Variants in CMTM8 observed in about 807,000 individuals in gnomAD.
CMTM8 encodes the protein CKLF like MARVEL transmembrane domain containing 8.
CMTM8 carries 12 observed loss-of-function variants against 18.6 expected under a neutral mutation model. The ratio of observed to expected loss-of-function variants is 0.65; its 90% CI spans 0.41 to 1.05. The LOEUF (loss-of-function observed/expected upper bound fraction) is 1.05. Ranked by LOEUF, CMTM8 falls within the 50% of genes least tolerant of loss-of-function variation. The pLI is 0.00. For missense variants in CMTM8, 217 were observed against 227.2 expected (o/e 0.95, Z 0.29); for synonymous variants, 87 against 90.6 (o/e 0.96, Z 0.23).
intron 2 of CMTM8, among the ~76,000 whole-genome samples, chr3:32,359,186 T>TA (rs1340450061): frequency 3.9e-5 from 6 of 152,218 alleles, no homozygotes; most frequent in African/African-American, 1.2e-4. Context: ...TAGTAAGTAC[T>TA]GTAGTCGTCT....
At chr3:32,342,108 C>T (rs1009078075) in intron 1 of CMTM8, among the ~76,000 whole-genome samples, 2 of 150,364 alleles carry the variant, frequency 1.3e-5, no homozygotes, top group Non-Finnish European at 3.0e-5. Context: ...ATTAGCTGGG[C>T]GTGGTGGCAT....
chr3:32,258,291 C>T (rs1329844462), intron 1 of CMTM8, among the ~76,000 whole-genome samples: 1 of 152,136 alleles, frequency 6.6e-6, no homozygotes. Context: ...TGCTTTCTAG[C>T]TTTTCGGCAC....
At chr3:32,270,593 C>T (rs1399191206) in intron 1 of CMTM8, among the ~76,000 whole-genome samples, 1 of 152,150 alleles carries the variant, frequency 6.6e-6, no homozygotes, top group Non-Finnish European at 1.5e-5. Context: ...AGCTGTAAAT[C>T]ATCATTCTCA....
At chr3:32,355,690 G>C (rs1285533404) in intron 1 of CMTM8, among the ~76,000 whole-genome samples, 1 of 152,074 alleles carries the variant, frequency 6.6e-6, no homozygotes, top group Non-Finnish European at 1.5e-5. Context: ...ACTGCCCTTC[G>C]GATAAAGCAC....
intron 1 of CMTM8, among the ~76,000 whole-genome samples, chr3:32,252,167 C>A (rs1417057534): frequency 6.6e-6 from 1 of 152,156 alleles, no homozygotes; most frequent in Non-Finnish European, 1.5e-5. Flanking sequence ...AATTTTACTT[C>A]TTTACCCAAG....
At chr3:32,302,410 T>C (rs1160110092) in intron 1 of CMTM8, among the ~76,000 whole-genome samples, 1 of 152,222 alleles carries the variant, frequency 6.6e-6, no homozygotes, top group Non-Finnish European at 1.5e-5. Flanking sequence ...CTCTGTATGC[T>C]GTTCAGTTTA....
intron 1 of CMTM8, among the ~76,000 whole-genome samples, chr3:32,291,282 C>G (rs967455147): frequency 6.6e-6 from 1 of 152,088 alleles, no homozygotes; most frequent in Admixed American, 6.5e-5. Flanking sequence ...GTGCCCGCCA[C>G]CACATCTGGC....
intron 1 of CMTM8, among the ~76,000 whole-genome samples, chr3:32,338,784 G>A (rs145184430): frequency 3.3e-4 from 51 of 152,294 alleles, no homozygotes; most frequent in Admixed American, 1.2e-3. Context: ...TATCACTCAC[G>A]GTGTCTGTAC....
chr3:32,316,359 A>G (rs1359551567), intron 1 of CMTM8, among the ~76,000 whole-genome samples: 3 of 152,116 alleles, frequency 2.0e-5, no homozygotes, highest in Non-Finnish European at 2.9e-5. Context: ...AAGTCCATTC[A>G]CTAGTTAAGC....
intron 1 of CMTM8, among the ~76,000 whole-genome samples, chr3:32,298,917 A>C (rs1317694539): frequency 4.2e-5 from 3 of 70,840 alleles, no homozygotes; most frequent in Non-Finnish European, 9.0e-5. Flanking sequence ...ACACACATAC[A>C]CACACACATA....
intron 1 of CMTM8, among the ~76,000 whole-genome samples, chr3:32,340,921 A>G (rs1309827192): frequency 6.6e-6 from 1 of 152,234 alleles, no homozygotes; most frequent in Non-Finnish European, 1.5e-5. Context: ...GCAGGTGCCC[A>G]TAGCCTATTT....
intron 1 of CMTM8, among the ~76,000 whole-genome samples, chr3:32,279,483 C>T: frequency 9.0e-6 from 1 of 111,424 alleles, no homozygotes; most frequent in Non-Finnish European, 1.8e-5. Context: ...CCAATTTCAT[C>T]CATGTCCCTA....
intron 1 of CMTM8, 57 bp downstream of exon 1, chr3:32,239,176 T>A: frequency 6.5e-7 from 1 of 1,534,456 alleles, no homozygotes; most frequent in Non-Finnish European, 8.8e-7. Flanking sequence ...GGCGCGTGCT[T>A]CCGCCGTGCT....
At chr3:32,288,867 T>C (rs1236631281) in intron 1 of CMTM8, among the ~76,000 whole-genome samples, 1 of 152,180 alleles carries the variant, frequency 6.6e-6, no homozygotes, top group Non-Finnish European at 1.5e-5. Context: ...CCTATAACTA[T>C]GAATTAGTTG....
chr3:32,292,244 T>G (rs1702792034), intron 1 of CMTM8, among the ~76,000 whole-genome samples: 1 of 152,188 alleles, frequency 6.6e-6, no homozygotes, highest in South Asian at 2.1e-4. Flanking sequence ...ACCTTCATCA[T>G]GCAGGGCAGT....
chr3:32,266,526 C>T (rs1192690637), intron 1 of CMTM8, among the ~76,000 whole-genome samples: 1 of 152,238 alleles, frequency 6.6e-6, no homozygotes, highest in Non-Finnish European at 1.5e-5. Context: ...TGGAAGCATT[C>T]CCTTTGAAAA....
intron 1 of CMTM8, among the ~76,000 whole-genome samples, chr3:32,241,271 C>T: frequency 6.6e-6 from 1 of 152,166 alleles, no homozygotes; most frequent in East Asian, 1.9e-4. Context: ...AGCTGGGATG[C>T]CCTCTTCCCT....
At chr3:32,285,904 C>T (rs1702673804) in intron 1 of CMTM8, among the ~76,000 whole-genome samples, 2 of 152,142 alleles carry the variant, frequency 1.3e-5, no homozygotes, top group Non-Finnish European at 2.9e-5. Flanking sequence ...TGTGTGGCAC[C>T]TGTGTTTTGA....
At chr3:32,364,334 C>T (rs759435576) in intron 2 of CMTM8, among the ~76,000 whole-genome samples, 1 of 152,190 alleles carries the variant, frequency 6.6e-6, no homozygotes, top group African/African-American at 2.4e-5. Context: ...GAAACCCCAT[C>T]TCTACTAAAA....
Sources: gnomAD v4.1 joint callset for allele counts (sites outside exome capture counted in the v4.1 genomes callset) on GRCh38, gnomAD v4.1.1 for gene constraint, MANE v1.5 for transcripts, NCBI Gene and HGNC (gene_info 2026-07-23, HGNC 2026-07-21) for gene names.